The following CASC3 variants were observed in gnomAD, a reference collection of about 807,000 sequenced individuals.
The protein encoded by CASC3 is protein CASC3.
A neutral mutation model predicts 80.5 loss-of-function variants in CASC3; 30 were observed. The observed-to-expected ratio is 0.37, with a 90% CI of 0.28 to 0.51. The LOEUF (loss-of-function observed/expected upper bound fraction) is 0.51, where lower values mean the gene tolerates loss of function less well. Among genes scored for constraint, CASC3 ranks in the 20% least tolerant of loss-of-function variants. The probability of loss-of-function intolerance (pLI) is 0.94; values close to 1 mark genes in which losing one functional copy is unlikely to be tolerated. For synonymous variants in CASC3, 312 were observed against 333.6 expected (o/e 0.94, Z 0.70); for missense variants, 824 against 922.2 (o/e 0.89, Z 1.38).
rs1989494306 is a variant in CASC3 at position 40,167,964 on chromosome 17, C to T, written c.1750+16C>T. ...CCCCACCCAGGTAAGCTTTGTGTCT[C>T]TGCTTATATGCTTCCAGTACCTGAG... On this transcript the variant is annotated intron_variant, in intron 10 of 13. Coordinates refer to ENST00000264645, the MANE Select transcript of CASC3 (RefSeq NM_007359.5). 1.2e-6 allele frequency: 2 copies of T among 1,606,890 alleles called. No individual in the cohort carries two copies. Among genetic ancestry groups the T allele is most frequent in the Non-Finnish European group, 1.7e-6 (2 of 1,173,488 alleles).
At chr17:40,142,416 C>T (rs1011621017) in intron 3 of CASC3, among the ~76,000 whole-genome samples, 1 of 152,102 alleles carries the variant, frequency 6.6e-6, no homozygotes, top group Non-Finnish European at 1.5e-5. Context: ...CTTAGGCAGT[C>T]GGGAAAGATT....
At position 40,168,191 on chromosome 17, in the gene CASC3, C is replaced by T. The variant is rs754948350; in HGVS notation, c.1751-12C>T. Reference sequence around the variant, plus strand: ...TACTTTATTTTTCAGTTTTTTTCTTCTCCTTATCCAGGTTTACATCCCCAC... The same window carrying T: ...TACTTTATTTTTCAGTTTTTTTCTTTTCCTTATCCAGGTTTACATCCCCAC... On this transcript the variant is annotated splice_polypyrimidine_tract_variant and intron_variant, in intron 10 of 13. Coordinates refer to ENST00000264645, the MANE Select transcript of CASC3 (RefSeq NM_007359.5). 32 of 1,610,604 alleles carry T rather than the reference C, an allele frequency of 2.0e-5. No homozygotes were observed. The highest frequency in any genetic ancestry group is 2.5e-5 in the Non-Finnish European group (30 of 1,177,278).
At position 40,170,782 on chromosome 17, in the gene CASC3, T is replaced by A; in HGVS notation, c.*377T>A. 2 of 985,386 alleles carry A rather than the reference T, an allele frequency of 2.0e-6. No homozygotes were observed. The highest frequency in any genetic ancestry group is 2.4e-6 in the Non-Finnish European group (2 of 829,798). 61.0% of individuals were successfully genotyped at this position (985,386 alleles called of 1,614,324 possible). ...AGGAAGCTCCTTCCTGTTTGTTTTG[T>A]TTTCTAAGATGTTCATTTTTAAAGC... On this transcript the variant is annotated 3_prime_UTR_variant, in exon 14 of 14. Transcript: ENST00000264645.
rs186810017 is a variant in CASC3 at position 40,166,447 on chromosome 17, G to A, written c.1472-350G>A. 3.9e-5 allele frequency among the ~76,000 whole-genome samples: 6 copies of A among 152,266 alleles called. No individual in the cohort carries two copies. In the East Asian group the frequency reaches 1.2e-3, roughly 29 times the overall value. ...CCAGCTGTTGCTCAGAAACTCTTGGGCTGAGATTTTTCAATATGTTGGATA... is the reference window on the plus strand; with the variant it reads ...CCAGCTGTTGCTCAGAAACTCTTGGACTGAGATTTTTCAATATGTTGGATA... On this transcript the variant is annotated intron_variant, in intron 7 of 13. Coordinates refer to ENST00000264645, the MANE Select transcript of CASC3 (RefSeq NM_007359.5).
rs545135290 is a variant in CASC3 at position 40,165,306 on chromosome 17, C to T, written c.1471+1140C>T. Among the ~76,000 whole-genome samples, 7 of 152,050 alleles carry T rather than the reference C, an allele frequency of 4.6e-5. 1 individual carries two copies. The South Asian group carries it at 8.3e-4, about 18-fold the overall frequency. Reference sequence around the variant, plus strand: ...TCTCGAACTCCTGACCTTAAGTGATCGACCCATCTTGGCCTCCCAGAGTGC... The same window carrying T: ...TCTCGAACTCCTGACCTTAAGTGATTGACCCATCTTGGCCTCCCAGAGTGC... On this transcript the variant is annotated intron_variant, in intron 7 of 13. Transcript: ENST00000264645.
In CASC3 at chr17:40,157,342, CA is replaced by C. The variant is rs1442925718; in HGVS notation, c.298-4408del. Among the ~76,000 whole-genome samples the C allele has an allele frequency of 5.1e-3, 748 of 146,056 alleles. 8 individuals are homozygous for C. Among genetic ancestry groups the C allele is most frequent in the African/African-American group, 0.018 (698 of 39,844 alleles). On this transcript the variant is annotated intron_variant, in intron 3 of 13. Transcript: ENST00000264645. ...CCTGGACAACAGCGAGACTCCGTCTCAAATAAATAAATAAATAAATAAATAA... is the reference window on the plus strand; with the variant it reads ...CCTGGACAACAGCGAGACTCCGTCTCAATAAATAAATAAATAAATAAATAA...
Position 40,140,667 on chromosome 17 carries a change from C to T in CASC3, c.119C>T (p.Ala40Val). ...LRGGGSCSGS[A>V]GGGGSGSLPS... The stretch of plus-strand genomic sequence containing the variant: ...GGAGGCGGGAGCTGCAGCGGTAGCG[C>T]CGGAGGCGGCGGCAGCGGCTCTCTG... The change falls in exon 1 of 14, where the codon GCC becomes GTC. Residue 40 changes from alanine (A) to valine (V), a missense_variant. This residue lies in a region of CASC3 where 159 missense variants were observed against 122.2 expected (regional missense o/e 1.30). Transcript: ENST00000264645. 6.2e-7 allele frequency: 1 copy of T among 1,604,302 alleles called. No individual in the cohort carries two copies. The highest frequency in any genetic ancestry group is 8.5e-7 in the Non-Finnish European group (1 of 1,176,808).
intron 3 of CASC3, among the ~76,000 whole-genome samples, chr17:40,142,794 G>A (rs140262628): frequency 1.3e-5 from 2 of 151,996 alleles, no homozygotes; most frequent in South Asian, 2.1e-4. Flanking sequence ...CCAGCTACTC[G>A]GGAGGCTGAG....
At chr17:40,155,231 G>C (rs1023092565) in intron 3 of CASC3, among the ~76,000 whole-genome samples, 3 of 150,732 alleles carry the variant, frequency 2.0e-5, no homozygotes, top group Non-Finnish European at 4.4e-5. Context: ...CCATGACTCG[G>C]GTGTTTATAC....
intron 3 of CASC3, among the ~76,000 whole-genome samples, chr17:40,149,300 T>G (rs1219580659): frequency 6.6e-6 from 1 of 151,984 alleles, no homozygotes; most frequent in African/African-American, 2.4e-5. Flanking sequence ...TTTTTTTTTT[T>G]TTTGGCAAAT....
intron 3 of CASC3, among the ~76,000 whole-genome samples, chr17:40,157,858 C>A (rs1219900471): frequency 6.6e-6 from 1 of 152,100 alleles, no homozygotes; most frequent in East Asian, 1.9e-4. Flanking sequence ...TGTACTCTTA[C>A]AATGAAGCTA....
At chr17:40,162,951 T>C in intron 6 of CASC3, 50 bp downstream of exon 6, 1 of 1,548,562 alleles carries the variant, frequency 6.5e-7, no homozygotes. Flanking sequence ...TGGCTTACGG[T>C]GGCTTACACC....
Position 40,163,992 on chromosome 17 carries a change from C to A in CASC3, c.1297C>A (p.Pro433Thr). The A allele has an allele frequency of 1.2e-6, 2 of 1,614,088 alleles. No homozygotes were observed. Among genetic ancestry groups the A allele is most frequent in the Non-Finnish European group, 1.7e-6 (2 of 1,180,028 alleles). The change falls in exon 7 of 14, where the codon CCA becomes ACA. Residue 433 changes from proline to threonine, a missense_variant. Transcript: ENST00000264645. ...EVPPPPEGLI[P>T]APPVPETTPT... ...GCCCCCTCCTCCTGAAGGACTGATT[C>A]CAGCACCTCCAGTCCCAGAAACCAC...
chr17:40,159,733 T>C (rs1230427485), intron 3 of CASC3, among the ~76,000 whole-genome samples: 1 of 145,850 alleles, frequency 6.9e-6, no homozygotes, highest in Non-Finnish European at 1.5e-5. Flanking sequence ...TTTTTTTTTT[T>C]TTTGACAGGG....
rs559926365 is a variant in CASC3, at chr17:40,170,868, T to A, written c.*463T>A. 2.8e-5 allele frequency: 28 copies of A among 985,392 alleles called. No individual in the cohort carries two copies. The African/African-American group carries it at 4.9e-4, about 17-fold the overall frequency. 61.0% of individuals were successfully genotyped at this position (985,392 alleles called of 1,614,324 possible). ...CTCTTTGTTTCTGTTTCTTGCTCTCTCTCCCTGCCTTTAAATGAAACAAGT... is the reference window on the plus strand; with the variant it reads ...CTCTTTGTTTCTGTTTCTTGCTCTCACTCCCTGCCTTTAAATGAAACAAGT... On this transcript the variant is annotated 3_prime_UTR_variant, in exon 14 of 14. Transcript: ENST00000264645.
At chr17:40,161,968 T>A in intron 4 of CASC3, 34 bp from the exon 5 acceptor site, 1 of 1,612,586 alleles carries the variant, frequency 6.2e-7, no homozygotes, top group Non-Finnish European at 8.5e-7. Flanking sequence ...TCTTGAGGCT[T>A]GGAAGAGTAA....
intron 3 of CASC3, among the ~76,000 whole-genome samples, chr17:40,153,158 G>A (rs1011014755): frequency 6.6e-6 from 1 of 152,022 alleles, no homozygotes; most frequent in African/African-American, 2.4e-5. Flanking sequence ...CTTTTACCAC[G>A]ATCTCATTTT....
Position 40,169,183 on chromosome 17 carries a change from T to C in CASC3, c.1966-141T>C, listed in dbSNP as rs566042218. 14 of 890,434 alleles carry C rather than the reference T, an allele frequency of 1.6e-5. No individual in the cohort carries two copies. The East Asian group carries it at 3.8e-4, about 24-fold the overall frequency. 55.2% of individuals were successfully genotyped at this position (890,434 alleles called of 1,614,324 possible). ...TTAAGGCAAAAATGAATAGTCACTT[T>C]ATTTTGAAGGGTGGGCAGATTAGAT... On this transcript the variant is annotated intron_variant, in intron 11 of 13. Coordinates refer to ENST00000264645, the MANE Select transcript of CASC3 (RefSeq NM_007359.5).
At chr17:40,169,786 C>T (rs1989550984) in intron 13 of CASC3, 124 bp downstream of exon 13, 2 of 502,466 alleles carry the variant, frequency 4.0e-6, no homozygotes, top group African/African-American at 3.0e-5. Context: ...GACGGCGTCT[C>T]AGTCTGTTAT....
Sources: allele counts gnomAD v4.1 joint callset (sites outside exome capture counted in the v4.1 genomes callset), GRCh38; gene constraint gnomAD v4.1.1; regional missense constraint gnomAD v4.1.1; transcripts MANE v1.5; gene names NCBI Gene and HGNC (gene_info 2026-07-23, HGNC 2026-07-21).